Variants in RNLS observed in about 807,000 individuals in gnomAD.
RNLS encodes the protein renalase.
In RNLS, 39 loss-of-function variants were observed where a neutral mutation model predicts 39.8. That is an observed-to-expected ratio of 0.98 (90% CI 0.76 to 1.28). The LOEUF (loss-of-function observed/expected upper bound fraction) is 1.28, where lower values mean the gene tolerates loss of function less well. RNLS is among the 50% of genes most tolerant of loss of function. RNLS has a pLI of 0.00. For synonymous variants in RNLS, 147 were observed against 150.7 expected (o/e 0.98, Z 0.18); for missense variants, 410 against 413.3 (o/e 0.99, Z 0.07).
At chr10:88,481,648 ACTT>A (rs1181353354) in intron 4 of RNLS, among the ~76,000 whole-genome samples, 1 of 152,144 alleles carries the variant, frequency 6.6e-6, no homozygotes, top group Non-Finnish European at 1.5e-5. Context: ...ATGTATGTAA[ACTT>A]AACGATAATA....
chr10:88,383,189 A>G (rs1192188739), intron 4 of RNLS, among the ~76,000 whole-genome samples: 1 of 152,108 alleles, frequency 6.6e-6, no homozygotes, highest in African/African-American at 2.4e-5. Context: ...TCTCTATCAC[A>G]TGGCAGAAAC....
intron 4 of RNLS, among the ~76,000 whole-genome samples, chr10:88,370,845 C>G (rs552742465): frequency 6.6e-6 from 1 of 152,130 alleles, no homozygotes; most frequent in African/African-American, 2.4e-5. Context: ...AGCACGGAAT[C>G]AGTCTTGTTT....
At chr10:88,337,489 G>A (rs1019533541) in intron 5 of RNLS, among the ~76,000 whole-genome samples, 6 of 152,188 alleles carry the variant, frequency 3.9e-5, no homozygotes, top group Non-Finnish European at 5.9e-5. Flanking sequence ...CATAACTAAA[G>A]CCAGGCCAAT....
chr10:88,373,217 AT>A, intron 4 of RNLS, among the ~76,000 whole-genome samples: 2 of 152,184 alleles, frequency 1.3e-5, no homozygotes, highest in Non-Finnish European at 2.9e-5. Context: ...GACTTGGAGA[AT>A]TAATATTCTA....
At chr10:88,275,842 G>A (rs1842793405) in intron 6 of RNLS, among the ~76,000 whole-genome samples, 1 of 151,860 alleles carries the variant, frequency 6.6e-6, no homozygotes, top group Admixed American at 6.6e-5. Context: ...ATCACTTGAC[G>A]GCAGGAGTTT....
At chr10:88,311,561 CT>C (rs1321087855) in intron 6 of RNLS, among the ~76,000 whole-genome samples, 1 of 152,172 alleles carries the variant, frequency 6.6e-6, no homozygotes, top group South Asian at 2.1e-4. Flanking sequence ...GCTCCCAAGT[CT>C]TTCAAAAAAC....
At chr10:88,426,852 G>T (rs572821309) in intron 4 of RNLS, among the ~76,000 whole-genome samples, 12 of 152,058 alleles carry the variant, frequency 7.9e-5, no homozygotes, top group African/African-American at 2.7e-4. Context: ...AGTACATGGG[G>T]AGGGGAAGCC....
intron 4 of RNLS, among the ~76,000 whole-genome samples, chr10:88,519,759 T>C (rs1265006890): frequency 6.6e-6 from 1 of 151,386 alleles, no homozygotes; most frequent in Non-Finnish European, 1.5e-5. Context: ...ATATCATATA[T>C]AGATGATACC....
chr10:88,441,229 C>T (rs998290967), intron 4 of RNLS, among the ~76,000 whole-genome samples: 1 of 152,136 alleles, frequency 6.6e-6, no homozygotes, highest in Non-Finnish European at 1.5e-5. Context: ...CTTGAACAAT[C>T]ATTGTATCAG....
intron 4 of RNLS, among the ~76,000 whole-genome samples, chr10:88,437,451 C>A (rs569474356): frequency 6.6e-6 from 1 of 152,268 alleles, no homozygotes; most frequent in East Asian, 1.9e-4. Context: ...TTATTACAAT[C>A]ATTGTATCCA....
chr10:88,246,636 C>G, the RNLS span, among the ~76,000 whole-genome samples: 1 of 151,596 alleles, frequency 6.6e-6, no homozygotes, highest in Non-Finnish European at 1.5e-5. Flanking sequence ...TTTTCCTTCC[C>G]GTTCCTTTCC....
chr10:88,468,521 T>C (rs1278192465), intron 4 of RNLS, among the ~76,000 whole-genome samples: 1 of 152,190 alleles, frequency 6.6e-6, no homozygotes, highest in East Asian at 1.9e-4. Context: ...AAATAACTGA[T>C]AGGAACCACA....
intron 4 of RNLS, among the ~76,000 whole-genome samples, chr10:88,394,520 C>T (rs792236): frequency 0.59 from 88,981 of 151,908 alleles, 26,131 homozygotes; most frequent in African/African-American, 0.63. Context: ...GTTAGAATGG[C>T]GTTCATTAAA....
At chr10:88,293,479 A>G (rs1223384070) in intron 6 of RNLS, among the ~76,000 whole-genome samples, 1 of 152,190 alleles carries the variant, frequency 6.6e-6, no homozygotes, top group African/African-American at 2.4e-5. Context: ...ATGAAAAAAA[A>G]GTAAGAATTC....
chr10:88,582,264 G>A lies in RNLS; in HGVS notation c.162C>T (p.Cys54=). ...TTACSPHNPQ[C]TADLGAQYIT... ...TGTACTGAGCACCCAAGTCAGCTGT[G>A]CACTGAGGATTATGAGGACTGCAGG... Residue 54 remains cysteine (C), a synonymous_variant, in exon 2 of 7, where the codon TGC becomes TGT. Coordinates refer to ENST00000331772, the MANE Select transcript of RNLS (RefSeq NM_001031709.3). The A allele has an allele frequency of 1.2e-6, 2 of 1,614,080 alleles. No individual in the cohort carries two copies. Among genetic ancestry groups the A allele is most frequent in the African/African-American group, 1.3e-5 (1 of 75,048 alleles).
rs751111089 is a variant in RNLS at position 88,314,520 on chromosome 10, C to A, written c.822G>T (p.Leu274Phe). 2.5e-6 allele frequency: 4 copies of A among 1,613,968 alleles called. No individual in the cohort carries two copies. In the Admixed American group the frequency reaches 6.7e-5, roughly 27 times the overall value. Residue 274 changes from leucine (L) to phenylalanine (F), a missense_variant, in exon 6 of 7, where the codon TTG becomes TTT. By Grantham distance (22) the Leu-to-Phe change is conservative. Transcript: ENST00000331772. The stretch of plus-strand genomic sequence containing the variant: ...TAGCAATTGGCTGAGGCAAACCCGG[C>A]AAAATGTTTTCCAGCTGCTGGAAGA... ...ELVFQQLENI[L>F]PGLPQPIATK...
the RNLS span, among the ~76,000 whole-genome samples, chr10:88,245,878 A>T: frequency 6.6e-6 from 1 of 152,114 alleles, no homozygotes; most frequent in Non-Finnish European, 1.5e-5. Context: ...GCAACCTCGA[A>T]TCCCACCATC....
At chr10:88,522,374 A>G (rs1846808004) in intron 4 of RNLS, among the ~76,000 whole-genome samples, 1 of 152,090 alleles carries the variant, frequency 6.6e-6, no homozygotes, top group Non-Finnish European at 1.5e-5. Flanking sequence ...TGGCAAATAG[A>G]TGCAATCAAA....
chr10:88,458,324 T>C (rs141165509), intron 4 of RNLS, among the ~76,000 whole-genome samples: 3 of 152,320 alleles, frequency 2.0e-5, no homozygotes, highest in South Asian at 4.1e-4. Flanking sequence ...AGATTCCAAA[T>C]GGAGCTTCCT....
Sources: allele counts gnomAD v4.1 joint callset (sites outside exome capture counted in the v4.1 genomes callset), GRCh38; gene constraint gnomAD v4.1.1; transcripts MANE v1.5; gene names NCBI Gene and HGNC (gene_info 2026-07-23, HGNC 2026-07-21).